MAPKAPK2: variants seen among roughly 807,000 people sequenced by gnomAD.
The protein encoded by MAPKAPK2 is MAP kinase-activated protein kinase 2.
Under a neutral mutation model 48.8 loss-of-function variants are expected in MAPKAPK2, and 9 were observed. The observed-to-expected ratio is 0.18, with a 90% CI of 0.11 to 0.32. The LOEUF (loss-of-function observed/expected upper bound fraction) is 0.32, where lower values mean the gene tolerates loss of function less well. Ranked by LOEUF, MAPKAPK2 falls within the 10% of genes least tolerant of loss-of-function variation. The pLI, the probability that MAPKAPK2 is intolerant of heterozygous loss-of-function variation, is 1.00. For missense variants in MAPKAPK2, 331 were observed against 498.3 expected (o/e 0.66, Z 3.20); for synonymous variants, 202 against 190.6 (o/e 1.06, Z -0.49).
chr1:206,685,564 A>G, intron 1 of MAPKAPK2, 56 bp downstream of exon 1: 2 of 1,355,936 alleles, frequency 1.5e-6, no homozygotes, highest in Admixed American at 3.1e-5. Flanking sequence ...CTGGAGCTCC[A>G]CGGCGTCGGG....
At chr1:206,718,643 G>A (rs1346495789) in intron 1 of MAPKAPK2, among the ~76,000 whole-genome samples, 9 of 151,892 alleles carry the variant, frequency 5.9e-5, no homozygotes, top group African/African-American at 1.9e-4. Flanking sequence ...CCCCGTCGCC[G>A]TGGATGGGGA....
intron 1 of MAPKAPK2, among the ~76,000 whole-genome samples, chr1:206,713,140 G>A (rs1673212354): frequency 6.6e-6 from 1 of 152,178 alleles, no homozygotes; most frequent in African/African-American, 2.4e-5. Flanking sequence ...CAGCTTCCAA[G>A]AGGTACATGG....
chr1:206,724,835 A>G (rs1051164124), intron 1 of MAPKAPK2, among the ~76,000 whole-genome samples: 1 of 152,122 alleles, frequency 6.6e-6, no homozygotes, highest in African/African-American at 2.4e-5. Flanking sequence ...ATCAAATTAG[A>G]TCTTGCCCAT....
rs200920286 is a variant in MAPKAPK2, at chr1:206,728,697, G to A, written c.280-13G>A. On this transcript the variant is annotated splice_polypyrimidine_tract_variant and intron_variant, in intron 1 of 9. Coordinates refer to ENST00000367103, the MANE Select transcript of MAPKAPK2 (RefSeq NM_032960.4). ...TGACAGCGCAGTTACTCAGAAAGCT[G>A]TTTGGCCTGCAGATGCTTCAGGACT... The A allele has an allele frequency of 1.3e-4, 216 of 1,612,354 alleles. No homozygotes were observed. The African/African-American group carries it at 2.7e-3, about 20-fold the overall frequency.
At chr1:206,696,090 C>G in intron 1 of MAPKAPK2, 1 of 1,231,114 alleles carries the variant, frequency 8.1e-7, no homozygotes, top group Non-Finnish European at 1.2e-6. Context: ...CCTTCACCTT[C>G]ATCCTACCAG....
At position 206,709,059 on chromosome 1, in the gene MAPKAPK2, C is replaced by T. The variant is rs186400471; in HGVS notation, c.280-19651C>T. 1.3e-3 allele frequency among the ~76,000 whole-genome samples: 196 copies of T among 152,308 alleles called. 1 individual carries two copies. In the Middle Eastern group the frequency reaches 0.02, roughly 16 times the overall value. On this transcript the variant is annotated intron_variant, in intron 1 of 9. Coordinates refer to ENST00000367103, the MANE Select transcript of MAPKAPK2 (RefSeq NM_032960.4). ...TAAAGCTCCTGTTAACATTCTTGCACAAATCTTGTTGTGGATGTAATGTTT... is the reference window on the plus strand; with the variant it reads ...TAAAGCTCCTGTTAACATTCTTGCATAAATCTTGTTGTGGATGTAATGTTT...
rs5780359 is a variant in MAPKAPK2 at position 206,733,280 on chromosome 1, ATGTG to A, written c.*585_*588del. On this transcript the variant is annotated 3_prime_UTR_variant, in exon 10 of 10. Coordinates refer to ENST00000367103, the MANE Select transcript of MAPKAPK2 (RefSeq NM_032960.4). The stretch of plus-strand genomic sequence containing the variant: ...GTGCCAGACAAATAGGAGTGAGTGT[ATGTG>A]TGTGTGTGTGTGTGTGTGTGTGCAC... 0.39 allele frequency: 58,778 copies of A among 151,208 alleles called. 11,839 individuals are homozygous for A. Among genetic ancestry groups the A allele is most frequent in the East Asian group, 0.56 (2,902 of 5,148 alleles). The allele number at this position is 151,208 out of a possible 1,614,324, so 9.4% of individuals were successfully genotyped here.
At chr1:206,693,349 C>T (rs1457474103) in intron 1 of MAPKAPK2, among the ~76,000 whole-genome samples, 1 of 152,150 alleles carries the variant, frequency 6.6e-6, no homozygotes, top group Admixed American at 6.5e-5. Flanking sequence ...TGATATTCTC[C>T]CTGCTTGCCC....
intron 1 of MAPKAPK2, among the ~76,000 whole-genome samples, chr1:206,686,599 G>A (rs960019250): frequency 1.6e-4 from 24 of 152,076 alleles, no homozygotes; most frequent in African/African-American, 3.9e-4. Flanking sequence ...GATTGGAGGA[G>A]GAGAAAAATA....
chr1:206,731,752 G>C lies in MAPKAPK2; in HGVS notation c.978+27G>C, dbSNP rs75615416. On this transcript the variant is annotated intron_variant, in intron 8 of 9. Transcript: ENST00000367103. This position sits in a 1 kb window ranked among gnomAD's most constrained non-coding sequence, Gnocchi z 5.9. ...TAAGCTCGGCAGGCTGGGGAGCCTTGGGTCTCACGGGACTATTCCACAGGA... is the reference window on the plus strand; with the variant it reads ...TAAGCTCGGCAGGCTGGGGAGCCTTCGGTCTCACGGGACTATTCCACAGGA... The C allele has an allele frequency of 1.2e-3, 1,942 of 1,612,120 alleles. 19 individuals carry two copies. The African/African-American group carries it at 0.022, about 18-fold the overall frequency.
intron 1 of MAPKAPK2, among the ~76,000 whole-genome samples, chr1:206,727,258 T>G (rs906723826): frequency 6.6e-6 from 1 of 152,200 alleles, no homozygotes; most frequent in Non-Finnish European, 1.5e-5. Context: ...GTGAGGTGCT[T>G]TGTGGAAATA....
At chr1:206,719,238 A>G (rs1412350857) in intron 1 of MAPKAPK2, among the ~76,000 whole-genome samples, 4 of 152,098 alleles carry the variant, frequency 2.6e-5, no homozygotes, top group Non-Finnish European at 5.9e-5. Flanking sequence ...AGGCCTCTTG[A>G]CTTTTTGTTG....
intron 1 of MAPKAPK2, among the ~76,000 whole-genome samples, chr1:206,716,726 C>T (rs1673350094): frequency 6.6e-6 from 1 of 152,046 alleles, no homozygotes; most frequent in Admixed American, 6.6e-5. Context: ...AGGCCAGAGG[C>T]GCAGTGTTCC....
At chr1:206,698,968 A>C (rs1672711343) in intron 1 of MAPKAPK2, among the ~76,000 whole-genome samples, 1 of 152,026 alleles carries the variant, frequency 6.6e-6, no homozygotes, top group African/African-American at 2.4e-5. Context: ...GTCCTTTGTG[A>C]CTCCATTATA....
chr1:206,685,147 G>C lies in MAPKAPK2; in HGVS notation c.-83G>C, dbSNP rs1198575470. The stretch of plus-strand genomic sequence containing the variant: ...CCGGAGCGAACTTCGCAGCCCGTCG[G>C]GGGGCGGCGGGGAGGGGGCCCGGAG... On this transcript the variant is annotated 5_prime_UTR_variant, in exon 1 of 10. Coordinates refer to ENST00000367103, the MANE Select transcript of MAPKAPK2 (RefSeq NM_032960.4). 9 of 233,784 alleles carry C rather than the reference G, an allele frequency of 3.8e-5. No homozygotes were observed. Among genetic ancestry groups the C allele is most frequent in the African/African-American group, 1.6e-4 (7 of 42,804 alleles). 14.5% of individuals were successfully genotyped at this position (233,784 alleles called of 1,614,324 possible).
At chr1:206,700,657 C>T (rs1453979520) in intron 1 of MAPKAPK2, among the ~76,000 whole-genome samples, 1 of 152,206 alleles carries the variant, frequency 6.6e-6, no homozygotes, top group Non-Finnish European at 1.5e-5. Context: ...TGGAAATGTA[C>T]AGATGATCTA....
At chr1:206,699,267 A>G (rs537382949) in intron 1 of MAPKAPK2, among the ~76,000 whole-genome samples, 2 of 152,110 alleles carry the variant, frequency 1.3e-5, no homozygotes, top group Non-Finnish European at 2.9e-5. Context: ...GGTGGGGGTA[A>G]GTGTCTGGGC....
chr1:206,702,946 C>G (rs868936125), intron 1 of MAPKAPK2, among the ~76,000 whole-genome samples: 1 of 152,228 alleles, frequency 6.6e-6, no homozygotes, highest in African/African-American at 2.4e-5. Context: ...CTGCCTCCCT[C>G]CTCTGCCCTA....
chr1:206,712,458 A>G (rs1553429633), intron 1 of MAPKAPK2, among the ~76,000 whole-genome samples: 1 of 152,134 alleles, frequency 6.6e-6, no homozygotes, highest in Non-Finnish European at 1.5e-5. Flanking sequence ...ACTAGAGAAA[A>G]GTCTCTTTCA....
Sources: gnomAD v4.1 joint callset for allele counts (sites outside exome capture counted in the v4.1 genomes callset) on GRCh38, gnomAD v4.1.1 for gene constraint, Gnocchi (gnomAD v3.1) non-coding constraint, MANE v1.5 for transcripts, NCBI Gene and HGNC (gene_info 2026-07-23, HGNC 2026-07-21) for gene names.